The following SLC6A4 variants were observed in gnomAD, a reference collection of about 807,000 sequenced individuals.
SLC6A4 encodes solute carrier family 6 member 4.
In SLC6A4, 22 loss-of-function variants were observed where a neutral mutation model predicts 73.4. The ratio of observed to expected loss-of-function variants is 0.30; its 90% CI spans 0.21 to 0.43. The LOEUF is 0.43. SLC6A4 is among the 20% of genes least tolerant of loss of function. The pLI, the probability that SLC6A4 is intolerant of heterozygous loss-of-function variation, is 1.00. For missense variants in SLC6A4, 593 were observed against 808.5 expected (o/e 0.73, Z 3.23); for synonymous variants, 270 against 315.5 (o/e 0.86, Z 1.53).
rs1361105241 is a variant in SLC6A4, at chr17:30,197,296, C to T, written c.*1160G>A. 6.6e-6 allele frequency: 1 copy of T among 152,392 alleles called. No homozygotes were observed. The highest frequency in any genetic ancestry group is 6.5e-5 in the Admixed American group (1 of 15,286). The allele number at this position is 152,392 out of a possible 1,614,324, so 9.4% of individuals were successfully genotyped here. ...CACAATCGTGACCGCCAGCGAGCGGCGAGGTCCACGTAAGGCTAACCCAGA... is the reference window on the plus strand; with the variant it reads ...CACAATCGTGACCGCCAGCGAGCGGTGAGGTCCACGTAAGGCTAACCCAGA... On this transcript the variant is annotated 3_prime_UTR_variant, in exon 15 of 15. Coordinates refer to ENST00000650711, the MANE Select transcript of SLC6A4 (RefSeq NM_001045.6).
intron 5 of SLC6A4, 51 bp from the exon 6 acceptor site, chr17:30,217,355 G>T: frequency 6.3e-7 from 1 of 1,580,166 alleles, no homozygotes. Flanking sequence ...AGAGTGACCT[G>T]GGCACACATC....
At position 30,209,198 on chromosome 17, in the gene SLC6A4, C is replaced by A; in HGVS notation, c.1494G>T (p.Gly498=). ...VVKLLEEYAT[G]PAVLTVALIE... Reference sequence around the variant, plus strand: ...TCAGCGCGACAGTGAGCACTGCGGGCCCCGTGGCATACTCCTCCAGCAGCT... The same window carrying A: ...TCAGCGCGACAGTGAGCACTGCGGGACCCGTGGCATACTCCTCCAGCAGCT... The change falls in exon 12 of 15, where the codon GGG becomes GGT. Residue 498 remains glycine, a synonymous_variant. Transcript: ENST00000650711. 2 of 1,613,730 alleles carry A rather than the reference C, an allele frequency of 1.2e-6. No individual in the cohort carries two copies. Among genetic ancestry groups the A allele is most frequent in the Non-Finnish European group, 1.7e-6 (2 of 1,179,768 alleles).
rs1905928382 is a variant in SLC6A4 at position 30,198,366 on chromosome 17, C to T, written c.*90G>A. 2.7e-6 allele frequency: 2 copies of T among 741,118 alleles called. No homozygotes were observed. The highest frequency in any genetic ancestry group is 2.4e-6 in the Non-Finnish European group (1 of 425,262). The allele number at this position is 741,118 out of a possible 1,614,324, so 45.9% of individuals were successfully genotyped here. A position where few individuals can be genotyped will look rare whatever the true frequency, so the allele number is the denominator to read the frequency against. On this transcript the variant is annotated 3_prime_UTR_variant, in exon 15 of 15. Transcript: ENST00000650711. Reference sequence around the variant, plus strand: ...TTCCATCATCAGGCTTAGCTGGAAACTCATTCACTTGGAGGGGAGAAGGCA... The same window carrying T: ...TTCCATCATCAGGCTTAGCTGGAAATTCATTCACTTGGAGGGGAGAAGGCA...
Position 30,211,285 on chromosome 17 carries a change from GCCCATTTCCCCTT to G in SLC6A4, c.1317+14_1317+26del. On this transcript the variant is annotated intron_variant, in intron 10 of 14. Transcript: ENST00000650711. This position sits in a 1 kb window ranked among gnomAD's most constrained non-coding sequence, Gnocchi z 4.0. ...CTCCTTTCCTCTTCATCCTCCCACA[GCCCATTTCCCCTT>G]CCCATTTCCTCACCGTGCTGTCCAA... The G allele has an allele frequency of 2.1e-5, 30 of 1,400,876 alleles. No individual in the cohort carries two copies. The highest frequency in any genetic ancestry group is 3.0e-5 in the Non-Finnish European group (30 of 987,994). The allele number at this position is 1,400,876 out of a possible 1,614,324, so 86.8% of individuals were successfully genotyped here.
chr17:30,214,655 T>TTC (rs1906498252), intron 8 of SLC6A4, among the ~76,000 whole-genome samples: 30 of 140,958 alleles, frequency 2.1e-4, no homozygotes, highest in Non-Finnish European at 3.4e-4. Context: ...TTTTTTTTGA[T>TTC]GGAATCTCAC....
intron 1 of SLC6A4, among the ~76,000 whole-genome samples, chr17:30,224,776 T>C (rs1326862415): frequency 6.6e-6 from 1 of 152,194 alleles, no homozygotes; most frequent in Non-Finnish European, 1.5e-5. Flanking sequence ...GTTTACTTTC[T>C]TCCTTGAGGC....
intron 1 of SLC6A4, among the ~76,000 whole-genome samples, chr17:30,228,665 G>A (rs1279806713): frequency 2.6e-5 from 4 of 152,176 alleles, no homozygotes; most frequent in African/African-American, 9.7e-5. Flanking sequence ...CAACAGTGCC[G>A]TGTGCGTCCC....
chr17:30,219,131 G>A (rs945002093), intron 3 of SLC6A4, among the ~76,000 whole-genome samples, 200 bp from the exon 4 acceptor site: 4 of 152,162 alleles, frequency 2.6e-5, no homozygotes, highest in Admixed American at 2.6e-4. Context: ...ACTAAAATGA[G>A]GTTTCAGAGG....
At chr17:30,233,995 C>T (rs1700385495) in intron 1 of SLC6A4, among the ~76,000 whole-genome samples, 1 of 152,094 alleles carries the variant, frequency 6.6e-6, no homozygotes, top group South Asian at 2.1e-4. Context: ...AAGAAACAGA[C>T]TGATCCATGC....
Position 30,196,364 on chromosome 17 carries a change from AT to A in SLC6A4, c.*2091del, listed in dbSNP as rs748194758. 1,107 of 145,752 alleles carry A rather than the reference AT, an allele frequency of 7.6e-3. 7 individuals carry two copies. Among genetic ancestry groups the A allele is most frequent in the Middle Eastern group, 0.014 (4 of 278 alleles). 9.0% of individuals were successfully genotyped at this position (145,752 alleles called of 1,614,324 possible). ...TATGCGGAACAGACAGAGATTTTCG[AT>A]TTTTTTTTTTTAGTTTAATAAAGTT... On this transcript the variant is annotated 3_prime_UTR_variant, in exon 15 of 15. Coordinates refer to ENST00000650711, the MANE Select transcript of SLC6A4 (RefSeq NM_001045.6).
rs931880318 is a variant in SLC6A4, at chr17:30,203,104, G to A, written c.1818+68C>T. 3.2e-5 allele frequency: 42 copies of A among 1,295,992 alleles called. No individual in the cohort carries two copies. The South Asian group carries it at 4.1e-4, about 13-fold the overall frequency. The allele number at this position is 1,295,992 out of a possible 1,614,324, so 80.3% of individuals were successfully genotyped here. A position where few individuals can be genotyped will look rare whatever the true frequency, so the allele number is the denominator to read the frequency against. On this transcript the variant is annotated intron_variant, in intron 14 of 14. Coordinates refer to ENST00000650711, the MANE Select transcript of SLC6A4 (RefSeq NM_001045.6). ...TCTCATTTTGAATAGAGCATAACAA[G>A]ATAATCCTTTTCTCCCAAAACAATT...
At chr17:30,221,433 TCACAGCCCACCCGGGTCACAGCCCACC>T (rs1194612133) in intron 3 of SLC6A4, among the ~76,000 whole-genome samples, 156 bp downstream of exon 3, 1 of 144,678 alleles carries the variant, frequency 6.9e-6, no homozygotes, top group Non-Finnish European at 1.5e-5. Flanking sequence ...CCACCCCAGG[TCACAGCCCACCCGGGTCACAGCCCACC>T]CCAGGTCACA....
In SLC6A4 at chr17:30,198,279, G is replaced by C; in HGVS notation, c.*177C>G. On this transcript the variant is annotated 3_prime_UTR_variant, in exon 15 of 15. Coordinates refer to ENST00000650711, the MANE Select transcript of SLC6A4 (RefSeq NM_001045.6). ...TGGGAATATGTCCAGGGGAATCCAT[G>C]GAAATAAGTGGCTGGAGGCCTTGAG... 3 of 529,214 alleles carry C rather than the reference G, an allele frequency of 5.7e-6. No homozygotes were observed. Among genetic ancestry groups the C allele is most frequent in the Non-Finnish European group, 1.0e-5 (3 of 296,642 alleles). The allele number at this position is 529,214 out of a possible 1,614,324, so 32.8% of individuals were successfully genotyped here. A position where few individuals can be genotyped will look rare whatever the true frequency, so the allele number is the denominator to read the frequency against.
chr17:30,222,196 G>A, intron 2 of SLC6A4, 115 bp from the exon 3 acceptor site: 1 of 647,532 alleles, frequency 1.5e-6, no homozygotes, highest in South Asian at 1.9e-5. Context: ...AAATGCATCT[G>A]TTAAATGTGA....
chr17:30,210,071 A>C (rs557453564), intron 11 of SLC6A4, among the ~76,000 whole-genome samples: 1 of 150,886 alleles, frequency 6.6e-6, no homozygotes, highest in South Asian at 2.1e-4. Context: ...TATTTACTTC[A>C]GCTACCAAAA....
intron 1 of SLC6A4, among the ~76,000 whole-genome samples, chr17:30,226,872 C>A (rs1244938389): frequency 1.1e-3 from 127 of 112,266 alleles, no homozygotes; most frequent in African/African-American, 1.8e-3. Flanking sequence ...GACTCTGTCT[C>A]AAAAAAAAAA....
Position 30,223,024 on chromosome 17 carries a change from G to A in SLC6A4, c.-220-109C>T, listed in dbSNP as rs184977958. The A allele has an allele frequency of 7.6e-5, 30 of 394,010 alleles. 1 individual carries two copies. The highest frequency in any genetic ancestry group is 4.3e-4 in the South Asian group (23 of 53,114). The allele number at this position is 394,010 out of a possible 1,614,324, so 24.4% of individuals were successfully genotyped here. On this transcript the variant is annotated intron_variant, in intron 1 of 14. Coordinates refer to ENST00000650711, the MANE Select transcript of SLC6A4 (RefSeq NM_001045.6). Reference sequence around the variant, plus strand: ...GGGGCTGCTGTGCCTTCATTTCACCGCCGTGGCCTGGGCGCAGGGAAGTCA... The same window carrying A: ...GGGGCTGCTGTGCCTTCATTTCACCACCGTGGCCTGGGCGCAGGGAAGTCA...
Position 30,200,849 on chromosome 17 carries a change from T to A in SLC6A4, c.1819-2319A>T, listed in dbSNP as rs1222000430. Among the ~76,000 whole-genome samples the A allele has an allele frequency of 2.6e-5, 4 of 152,226 alleles. No homozygotes were observed. The East Asian group carries it at 7.7e-4, about 29-fold the overall frequency. ...GGTGGAGTGCAGTGGCTCGATGATC[T>A]CAGCTCACTGCAATCTCTGCCTCCC... is the stretch of plus-strand genomic sequence containing the variant. On this transcript the variant is annotated intron_variant, in intron 14 of 14. Coordinates refer to ENST00000650711, the MANE Select transcript of SLC6A4 (RefSeq NM_001045.6).
intron 5 of SLC6A4, 146 bp downstream of exon 5, chr17:30,217,972 T>C: frequency 1.5e-6 from 1 of 652,788 alleles, no homozygotes; most frequent in Non-Finnish European, 2.7e-6. Context: ...GTTTCCCAGC[T>C]CCAAATTCTG....
Sources: allele counts gnomAD v4.1 joint callset (sites outside exome capture counted in the v4.1 genomes callset), GRCh38; gene constraint gnomAD v4.1.1; non-coding constraint Gnocchi (gnomAD v3.1); transcripts MANE v1.5; gene names NCBI Gene and HGNC (gene_info 2026-07-23, HGNC 2026-07-21).